The following LIN7A variants were observed in gnomAD, a reference collection of about 807,000 sequenced individuals.
LIN7A encodes the protein protein lin-7 homolog A.
A neutral mutation model predicts 29.8 loss-of-function variants in LIN7A; 25 were observed. That is an observed-to-expected ratio of 0.84 (90% confidence interval 0.61 to 1.17). The LOEUF is 1.17. Among genes scored for constraint, LIN7A ranks in the 50% most tolerant of loss-of-function variants. LIN7A has a pLI of 0.00. For missense variants in LIN7A, 239 were observed against 287.0 expected (o/e 0.83, Z 1.21); for synonymous variants, 118 against 107.5 (o/e 1.10, Z -0.60).
intron 1 of LIN7A, among the ~76,000 whole-genome samples, chr12:80,908,611 A>T (rs1876602335): frequency 6.6e-6 from 1 of 152,076 alleles, no homozygotes; most frequent in Non-Finnish European, 1.5e-5. Flanking sequence ...TCTGCACTTG[A>T]GACAATAATG....
chr12:80,808,424 T>A (rs1190116654), intron 5 of LIN7A, among the ~76,000 whole-genome samples: 1 of 152,220 alleles, frequency 6.6e-6, no homozygotes, highest in Non-Finnish European at 1.5e-5. Context: ...TTCATGCCAT[T>A]TTTGCAGCTC....
At chr12:80,913,600 G>C (rs1186010608) in intron 1 of LIN7A, among the ~76,000 whole-genome samples, 2 of 152,154 alleles carry the variant, frequency 1.3e-5, no homozygotes, top group African/African-American at 4.8e-5. Flanking sequence ...AGAAATCACC[G>C]ACTGCTCAAG....
intron 1 of LIN7A, among the ~76,000 whole-genome samples, chr12:80,911,656 A>G (rs1027502531): frequency 1.3e-5 from 2 of 152,192 alleles, no homozygotes; most frequent in Non-Finnish European, 2.9e-5. Context: ...CTCAAAATAA[A>G]CAAGCAAATG....
At chr12:80,892,727 C>T (rs1243197701) in intron 1 of LIN7A, among the ~76,000 whole-genome samples, 1 of 152,086 alleles carries the variant, frequency 6.6e-6, no homozygotes, top group African/African-American at 2.4e-5. Context: ...AGGTCGGTCC[C>T]ACCTGGAGAA....
intron 4 of LIN7A, among the ~76,000 whole-genome samples, chr12:80,823,353 C>A (rs1023936093): frequency 6.6e-6 from 1 of 152,202 alleles, no homozygotes; most frequent in African/African-American, 2.4e-5. Flanking sequence ...TGGGGCTTTG[C>A]AGTTCCTGGC....
chr12:80,828,959 C>G (rs1362538449), intron 4 of LIN7A, among the ~76,000 whole-genome samples: 2 of 152,058 alleles, frequency 1.3e-5, no homozygotes, highest in Non-Finnish European at 2.9e-5. Context: ...TGATTTTAGT[C>G]TTTCCACACT....
At chr12:80,917,666 CTTAG>C (rs1877094788) in intron 1 of LIN7A, among the ~76,000 whole-genome samples, 1 of 151,816 alleles carries the variant, frequency 6.6e-6, no homozygotes, top group African/African-American at 2.4e-5. Flanking sequence ...GTGTTATGCT[CTTAG>C]TTTATAGTTT....
chr12:80,863,327 C>T (rs1873970069), intron 2 of LIN7A, among the ~76,000 whole-genome samples: 1 of 152,122 alleles, frequency 6.6e-6, no homozygotes, highest in South Asian at 2.1e-4. Flanking sequence ...AGTAAATATG[C>T]ATAATTAAAC....
chr12:80,839,439 T>C (rs1872714231), intron 4 of LIN7A, among the ~76,000 whole-genome samples: 1 of 152,212 alleles, frequency 6.6e-6, no homozygotes, highest in South Asian at 2.1e-4. Context: ...TACAGCAGTG[T>C]CTGGCATTCA....
intron 1 of LIN7A, among the ~76,000 whole-genome samples, chr12:80,906,624 G>A (rs1050586842): frequency 6.6e-6 from 1 of 151,948 alleles, no homozygotes; most frequent in African/African-American, 2.4e-5. Context: ...GATTAGAAAG[G>A]AGCCAGACGC....
intron 5 of LIN7A, 57 bp downstream of exon 5, chr12:80,811,408 T>A (rs142128447): frequency 2.5e-5 from 17 of 693,008 alleles, no homozygotes; most frequent in African/African-American, 1.8e-4. Context: ...TATATACATA[T>A]ATGTGTGTGT....
At chr12:80,900,035 G>C (rs1876129561) in intron 1 of LIN7A, among the ~76,000 whole-genome samples, 1 of 151,752 alleles carries the variant, frequency 6.6e-6, no homozygotes, top group Non-Finnish European at 1.5e-5. Context: ...CCTCCTCTAG[G>C]TTTTCTAGTT....
In LIN7A at chr12:80,792,983, T is replaced by A. The variant is rs945583553; in HGVS notation, c.*4744A>T. The A allele has an allele frequency of 6.6e-6, 1 of 152,178 alleles. No individual in the cohort carries two copies. Among genetic ancestry groups the A allele is most frequent in the African/African-American group, 2.4e-5 (1 of 41,444 alleles). The allele number at this position is 152,178 out of a possible 1,614,324, so 9.4% of individuals were successfully genotyped here. A position where few individuals can be genotyped will look rare whatever the true frequency, so the allele number is the denominator to read the frequency against. On this transcript the variant is annotated 3_prime_UTR_variant, in exon 6 of 6. Coordinates refer to ENST00000552864, the MANE Select transcript of LIN7A (RefSeq NM_004664.4). ...TACCATGAATAATACTTTGTTAATA[T>A]CTTTTGTATATTACTTTACAATTTC...
At chr12:80,864,484 G>A (rs1314467013) in intron 2 of LIN7A, among the ~76,000 whole-genome samples, 1 of 152,134 alleles carries the variant, frequency 6.6e-6, no homozygotes. Context: ...AAGTAGACAT[G>A]TGTTTTCATT....
intron 1 of LIN7A, among the ~76,000 whole-genome samples, chr12:80,927,037 CAG>C (rs1877625567): frequency 6.6e-6 from 1 of 150,436 alleles, no homozygotes; most frequent in South Asian, 2.1e-4. Context: ...GTTTTTTAAT[CAG>C]ATATTAATGT....
chr12:80,869,639 A>G (rs1874324294), intron 2 of LIN7A, among the ~76,000 whole-genome samples: 2 of 152,180 alleles, frequency 1.3e-5, no homozygotes, highest in Admixed American at 1.3e-4. Context: ...AATAACATGT[A>G]TTTTTGAGGA....
chr12:80,894,348 C>T (rs1174090087), intron 1 of LIN7A, among the ~76,000 whole-genome samples: 2 of 152,100 alleles, frequency 1.3e-5, no homozygotes, highest in Admixed American at 1.3e-4. Flanking sequence ...GGATTATTTT[C>T]CTAGAACCTA....
intron 4 of LIN7A, among the ~76,000 whole-genome samples, chr12:80,843,759 CTAATCCA>C (rs1429612971): frequency 6.6e-6 from 1 of 152,044 alleles, no homozygotes; most frequent in Non-Finnish European, 1.5e-5. Context: ...TTAGGGGATA[CTAATCCA>C]TAATCATATG....
rs1343252422 is a variant in LIN7A, at chr12:80,802,687, T to TG, written c.*1-4962dup. On this transcript the variant is annotated intron_variant, in intron 5 of 5. Coordinates refer to ENST00000552864, the MANE Select transcript of LIN7A (RefSeq NM_004664.4). ...TTTACTTTTTTTTTTTTTTTAGAGA[T>TG]GGGGGTCTCACTATGTTGCCTAGGG... Among the ~76,000 whole-genome samples, 3 of 151,060 alleles carry TG rather than the reference T, an allele frequency of 2.0e-5. No individual in the cohort carries two copies. The East Asian group carries it at 5.8e-4, about 29-fold the overall frequency.
Sources: gnomAD v4.1 joint callset for allele counts (sites outside exome capture counted in the v4.1 genomes callset) on GRCh38, gnomAD v4.1.1 for gene constraint, MANE v1.5 for transcripts, NCBI Gene and HGNC (gene_info 2026-07-23, HGNC 2026-07-21) for gene names.